PTPRD: variants seen among roughly 807,000 people sequenced by gnomAD.
PTPRD encodes receptor-type tyrosine-protein phosphatase delta.
Under a neutral mutation model 214.5 loss-of-function variants are expected in PTPRD, and 34 were observed. The observed-to-expected ratio is 0.16, with a 90% CI of 0.12 to 0.21. The LOEUF (loss-of-function observed/expected upper bound fraction) is 0.21, where lower values mean the gene tolerates loss of function less well. Among genes scored for constraint, PTPRD ranks in the 10% least tolerant of loss-of-function variants. The pLI is 1.00. For missense variants in PTPRD, 2,545 were observed against 2,398.7 expected, an observed-to-expected ratio of 1.06 and a Z score of -1.27; for synonymous variants, 1,128 against 845.7, an observed-to-expected ratio of 1.33 and a Z score of -5.79.
At chr9:9,269,173 T>G (rs954046951) in intron 9 of PTPRD, among the ~76,000 whole-genome samples, 5 of 151,294 alleles carry the variant, frequency 3.3e-5, no homozygotes, top group African/African-American at 1.2e-4. Flanking sequence ...ACAATAAAGC[T>G]AAATAACCTT....
chr9:8,766,335 A>C lies in PTPRD; in HGVS notation c.-103-32389T>G, dbSNP rs145323541. Among the ~76,000 whole-genome samples the C allele has an allele frequency of 9.0e-3, 1,362 of 152,128 alleles. 26 individuals are homozygous for C. The highest frequency in any genetic ancestry group is 0.031 in the African/African-American group (1,279 of 41,476). On this transcript the variant is annotated intron_variant, in intron 11 of 45. Transcript: ENST00000381196. The stretch of plus-strand genomic sequence containing the variant: ...CACTGTAGGTGAGTCAGTGTATCTA[A>C]AGTGTCCCAGTGTCAGTGAGTAAGT...
At chr9:10,608,756 C>A (rs748233025) in intron 2 of PTPRD, among the ~76,000 whole-genome samples, 2 of 152,100 alleles carry the variant, frequency 1.3e-5, no homozygotes, top group African/African-American at 4.8e-5. Flanking sequence ...GTTCTCCTAA[C>A]GGGTAATGTT....
intron 5 of PTPRD, among the ~76,000 whole-genome samples, chr9:9,813,340 T>C (rs904579849): frequency 2.0e-5 from 3 of 151,418 alleles, no homozygotes; most frequent in African/African-American, 7.3e-5. Flanking sequence ...ATTAAAATGA[T>C]CAACAAAACT....
chr9:9,441,794 T>C (rs1471596226), intron 8 of PTPRD, among the ~76,000 whole-genome samples: 2 of 152,216 alleles, frequency 1.3e-5, no homozygotes, highest in African/African-American at 4.8e-5. Flanking sequence ...TACAGTGCTA[T>C]TTGATTACCA....
chr9:9,897,993 T>C (rs951101560), intron 5 of PTPRD, among the ~76,000 whole-genome samples: 2 of 151,878 alleles, frequency 1.3e-5, no homozygotes, highest in Non-Finnish European at 1.5e-5. Flanking sequence ...AATAAATCTT[T>C]ACTTATAAAA....
At chr9:9,798,859 A>G (rs563348691) in intron 5 of PTPRD, among the ~76,000 whole-genome samples, 2 of 152,314 alleles carry the variant, frequency 1.3e-5, no homozygotes, top group East Asian at 3.9e-4. Flanking sequence ...TATCACCCAA[A>G]TTACCAAAGC....
rs567534815 is a variant in PTPRD, at chr9:9,725,252, A to G, written c.-287+9281T>C. Among the ~76,000 whole-genome samples the G allele has an allele frequency of 2.6e-4, 39 of 152,054 alleles. No homozygotes were observed. In the South Asian group the frequency reaches 8.1e-3, roughly 32 times the overall value. Reference sequence around the variant, plus strand: ...GGCAAGTCTTTCCCATGCTGTTCCCATGATAGTGAATAAGTCTCATGAGAT... The same window carrying G: ...GGCAAGTCTTTCCCATGCTGTTCCCGTGATAGTGAATAAGTCTCATGAGAT... On this transcript the variant is annotated intron_variant, in intron 7 of 45. Transcript: ENST00000381196.
rs574499134 is a variant in PTPRD, at chr9:10,427,041, G to A, written c.-599-86024C>T. Among the ~76,000 whole-genome samples, 3 of 152,046 alleles carry A rather than the reference G, an allele frequency of 2.0e-5. No individual in the cohort carries two copies. In the South Asian group the frequency reaches 6.2e-4, roughly 32 times the overall value. On this transcript the variant is annotated intron_variant, in intron 2 of 45. Transcript: ENST00000381196. ...AAGATCTGTATTATTGCTGCAAAGA[G>A]GTATTTTGGGGGGTATTGTTTTTCT...
intron 8 of PTPRD, among the ~76,000 whole-genome samples, chr9:9,475,423 TA>T (rs2094953778): frequency 6.6e-6 from 1 of 152,190 alleles, no homozygotes; most frequent in Non-Finnish European, 1.5e-5. Flanking sequence ...AACATTGCAT[TA>T]GCTGTGACAT....
At chr9:9,762,813 G>C (rs976994804) in intron 6 of PTPRD, among the ~76,000 whole-genome samples, 4 of 152,114 alleles carry the variant, frequency 2.6e-5, no homozygotes, top group Non-Finnish European at 5.9e-5. Flanking sequence ...CCTATTTCTT[G>C]ATGTCAAAGT....
intron 11 of PTPRD, among the ~76,000 whole-genome samples, chr9:8,806,279 T>C (rs896957693): frequency 5.9e-5 from 9 of 151,758 alleles, no homozygotes; most frequent in Non-Finnish European, 1.3e-4. Context: ...AGGAGCTAAC[T>C]TAATGTGCAC....
Position 10,305,603 on chromosome 9 carries a change from T to C in PTPRD, c.-545+35360A>G, listed in dbSNP as rs2096036131. On this transcript the variant is annotated intron_variant, in intron 3 of 45. Coordinates refer to ENST00000381196, the MANE Select transcript of PTPRD (RefSeq NM_002839.4). The stretch of plus-strand genomic sequence containing the variant: ...GAAAACAAACAACCCCATCAAAAAG[T>C]GGGTGAAGGATATGAACACACACTT... Among the ~76,000 whole-genome samples, 2 of 151,872 alleles carry C rather than the reference T, an allele frequency of 1.3e-5. 1 individual carries two copies. The highest frequency in any genetic ancestry group is 4.1e-4 in the South Asian group (2 of 4,820).
At chr9:9,720,578 C>T (rs900343120) in intron 7 of PTPRD, among the ~76,000 whole-genome samples, 1 of 152,238 alleles carries the variant, frequency 6.6e-6, no homozygotes, top group East Asian at 1.9e-4. Context: ...TAACCTGCCA[C>T]CTCCATACGT....
chr9:10,421,743 A>G (rs1346658104), intron 2 of PTPRD, among the ~76,000 whole-genome samples: 1 of 151,484 alleles, frequency 6.6e-6, no homozygotes, highest in Admixed American at 6.6e-5. Flanking sequence ...CTTGCTTGTT[A>G]TTTTCGTTTA....
intron 5 of PTPRD, among the ~76,000 whole-genome samples, chr9:9,794,979 A>G (rs1354329486): frequency 6.6e-6 from 1 of 152,246 alleles, no homozygotes; most frequent in Non-Finnish European, 1.5e-5. Flanking sequence ...GGGAGTGGAA[A>G]GAGCAGAGGT....
chr9:8,983,348 A>G (rs2099323347), intron 11 of PTPRD, among the ~76,000 whole-genome samples: 1 of 152,098 alleles, frequency 6.6e-6, no homozygotes, highest in South Asian at 2.1e-4. Flanking sequence ...AAAACCTCTG[A>G]TGCCAGTCAA....
At chr9:8,677,018 A>G (rs1351021678) in intron 12 of PTPRD, among the ~76,000 whole-genome samples, 1 of 152,234 alleles carries the variant, frequency 6.6e-6, no homozygotes, top group Non-Finnish European at 1.5e-5. Context: ...TCATTTAGTT[A>G]TAAAAAGCCA....
intron 21 of PTPRD, among the ~76,000 whole-genome samples, chr9:8,516,332 C>T (rs1370617447): frequency 2.6e-5 from 4 of 152,006 alleles, no homozygotes; most frequent in Non-Finnish European, 5.9e-5. Flanking sequence ...GTTTTTAATA[C>T]AACTGTGGTG....
chr9:8,338,633 A>G (rs948752227), intron 43 of PTPRD, among the ~76,000 whole-genome samples: 1 of 152,102 alleles, frequency 6.6e-6, no homozygotes, highest in Non-Finnish European at 1.5e-5. Flanking sequence ...ACAGCCAACC[A>G]ATCAGTAAAC....
Sources: gnomAD v4.1 joint callset for allele counts (sites outside exome capture counted in the v4.1 genomes callset) on GRCh38, gnomAD v4.1.1 for gene constraint, MANE v1.5 for transcripts, NCBI Gene and HGNC (gene_info 2026-07-23, HGNC 2026-07-21) for gene names.